The following CADM2 variants were observed in gnomAD, a reference collection of about 807,000 sequenced individuals.
The protein encoded by CADM2 is cell adhesion molecule 2.
In CADM2, 12 loss-of-function variants were observed where a neutral mutation model predicts 49.8. The ratio of observed to expected loss-of-function variants is 0.24; its 90% CI spans 0.15 to 0.39. The LOEUF (loss-of-function observed/expected upper bound fraction) is 0.39, where lower values mean the gene tolerates loss of function less well. Among genes scored for constraint, CADM2 ranks in the 10% least tolerant of loss-of-function variants. CADM2 has a pLI of 1.00. For missense variants in CADM2, 378 were observed against 492.3 expected, an observed-to-expected ratio of 0.77 and a Z score of 2.20; for synonymous variants, 214 against 175.4, an observed-to-expected ratio of 1.22 and a Z score of -1.74.
chr3:85,487,905 G>A (rs2039497488), intron 1 of CADM2, among the ~76,000 whole-genome samples: 1 of 152,008 alleles, frequency 6.6e-6, no homozygotes, highest in African/African-American at 2.4e-5. Flanking sequence ...CCACTTTAGT[G>A]AGTATAAACT....
intron 7 of CADM2, among the ~76,000 whole-genome samples, chr3:85,947,896 G>A (rs1265073473): frequency 6.6e-6 from 1 of 151,316 alleles, no homozygotes; most frequent in Non-Finnish European, 1.5e-5. Context: ...TGTACTTTTT[G>A]AACATTTCCA....
intron 1 of CADM2, among the ~76,000 whole-genome samples, chr3:84,974,338 C>T (rs1272956849): frequency 1.3e-5 from 2 of 151,664 alleles, no homozygotes; most frequent in African/African-American, 2.4e-5. Context: ...TAATATAATC[C>T]ACAGTTAGAA....
chr3:85,014,149 ATAT>A (rs1213997885), intron 1 of CADM2, among the ~76,000 whole-genome samples: 1 of 146,928 alleles, frequency 6.8e-6, no homozygotes, highest in Non-Finnish European at 1.5e-5. Context: ...ACGCAGTGTA[ATAT>A]TGTATATTAT....
intron 1 of CADM2, among the ~76,000 whole-genome samples, chr3:85,318,425 G>A (rs1365226697): frequency 6.6e-6 from 1 of 151,876 alleles, no homozygotes; most frequent in African/African-American, 2.4e-5. Context: ...GTTTGAAGAG[G>A]CACACTTCGT....
chr3:85,013,586 A>G (rs899014840), intron 1 of CADM2, among the ~76,000 whole-genome samples: 9 of 151,716 alleles, frequency 5.9e-5, no homozygotes, highest in African/African-American at 2.2e-4. Flanking sequence ...AATGTAGTCA[A>G]TAACAATTGT....
chr3:85,147,738 A>G (rs1371652256), intron 1 of CADM2, among the ~76,000 whole-genome samples: 1 of 152,190 alleles, frequency 6.6e-6, no homozygotes, highest in Non-Finnish European at 1.5e-5. Flanking sequence ...ATGTTAAAAG[A>G]TTAAGAATTT....
At chr3:85,394,170 A>AT (rs757084939) in intron 1 of CADM2, among the ~76,000 whole-genome samples, 5 of 152,284 alleles carry the variant, frequency 3.3e-5, no homozygotes, top group African/African-American at 1.2e-4. Flanking sequence ...TTTACAAATA[A>AT]TTTTTTTAAT....
rs148516859 is a variant in CADM2 at position 85,063,365 on chromosome 3, T to C, written c.61+103697T>C. 1.5e-3 allele frequency among the ~76,000 whole-genome samples: 221 copies of C among 152,102 alleles called. 7 individuals carry two copies. The East Asian group carries it at 0.035, about 24-fold the overall frequency. On this transcript the variant is annotated intron_variant, in intron 1 of 9. Transcript: ENST00000383699. ...TATGTTTCCTGAATTTAATCTCCGA[T>C]GATCCACGGCAAGAAAACTAAAGAA...
rs144369643 is a variant in CADM2, at chr3:85,647,949, T to G, written c.62-78573T>G. On this transcript the variant is annotated intron_variant, in intron 1 of 9. Coordinates refer to ENST00000383699, the MANE Select transcript of CADM2 (RefSeq NM_001167675.2). ...ATTAAGTCTCCTTTTATCATTTCCA[T>G]GTATCCCATCTATGTTTCCTCCATT... Among the ~76,000 whole-genome samples the G allele has an allele frequency of 2.4e-3, 371 of 152,072 alleles. 7 individuals are homozygous for G. The highest frequency in any genetic ancestry group is 0.02 in the Admixed American group (301 of 15,282).
At chr3:85,823,936 G>C (rs900601090) in intron 3 of CADM2, among the ~76,000 whole-genome samples, 7 of 152,162 alleles carry the variant, frequency 4.6e-5, no homozygotes, top group African/African-American at 1.4e-4. Flanking sequence ...GCCCATCCGC[G>C]AGATTAGAGA....
chr3:85,058,006 T>C (rs1468208958), intron 1 of CADM2, among the ~76,000 whole-genome samples: 2 of 152,222 alleles, frequency 1.3e-5, no homozygotes, highest in Non-Finnish European at 2.9e-5. Flanking sequence ...ACTCTTAAAA[T>C]ACAGTTGAAT....
At chr3:85,195,758 C>T (rs1401826334) in intron 1 of CADM2, among the ~76,000 whole-genome samples, 1 of 151,946 alleles carries the variant, frequency 6.6e-6, no homozygotes, top group Non-Finnish European at 1.5e-5. Context: ...ATTTTCTATT[C>T]AGATTTTTTC....
intron 2 of CADM2, among the ~76,000 whole-genome samples, chr3:85,734,652 T>G (rs1050336893): frequency 6.8e-6 from 1 of 147,922 alleles, no homozygotes; most frequent in Non-Finnish European, 1.5e-5. Flanking sequence ...TTTTTCTGCC[T>G]TTTTTCTTTT....
At chr3:85,578,510 C>G (rs1465290400) in intron 1 of CADM2, among the ~76,000 whole-genome samples, 1 of 152,216 alleles carries the variant, frequency 6.6e-6, no homozygotes, top group Non-Finnish European at 1.5e-5. Flanking sequence ...CTTTAGAGTT[C>G]TTTTGTTTAA....
intron 1 of CADM2, among the ~76,000 whole-genome samples, chr3:85,453,392 G>A (rs2037840796): frequency 6.6e-6 from 1 of 151,880 alleles, no homozygotes; most frequent in South Asian, 2.1e-4. Flanking sequence ...TTTGAAATTA[G>A]CATGATTATC....
In CADM2 at chr3:85,239,689, T is replaced by C. The variant is rs946703925; in HGVS notation, c.61+280021T>C. 6.6e-5 allele frequency among the ~76,000 whole-genome samples: 10 copies of C among 151,528 alleles called. No individual in the cohort carries two copies. In the East Asian group the frequency reaches 1.4e-3, roughly 20 times the overall value. Reference sequence around the variant, plus strand: ...TAGGTTTTTTATAATTACAAGAAAATTGTTTCCTTTTGTGAGACATTTTTT... The same window carrying C: ...TAGGTTTTTTATAATTACAAGAAAACTGTTTCCTTTTGTGAGACATTTTTT... On this transcript the variant is annotated intron_variant, in intron 1 of 9. Coordinates refer to ENST00000383699, the MANE Select transcript of CADM2 (RefSeq NM_001167675.2).
Position 85,897,118 on chromosome 3 carries a change from CTT to C in CADM2, c.529+10792_529+10793del, listed in dbSNP as rs1188346469. Among the ~76,000 whole-genome samples, 16 of 151,644 alleles carry C rather than the reference CTT, an allele frequency of 1.1e-4. No homozygotes were observed. The East Asian group carries it at 1.2e-3, about 11-fold the overall frequency. ...AAAGTAGTAAATTTAGAAAATGACT[CTT>C]AACATTCTTTCTACCTTATGAGTTC... is the stretch of plus-strand genomic sequence containing the variant. On this transcript the variant is annotated intron_variant, in intron 5 of 9. Transcript: ENST00000383699.
At position 85,802,119 on chromosome 3, in the gene CADM2, G is replaced by A. The variant is rs779261257; in HGVS notation, c.161G>A (p.Arg54Lys). The part of the protein sequence containing the change: ...VEGGTAILTC[R>K]VDQNDNTSLQ... ...GGTGGAACTGCAATTTTGACCTGCA[G>A]GGTTGATCAAAATGATAACACCTCC... Residue 54 changes from arginine to lysine, a missense_variant, in exon 3 of 10, where the codon AGG becomes AAG. Physicochemically the swap from Arg to Lys is conservative, Grantham distance 26. Transcript: ENST00000383699. 10 of 1,613,374 alleles carry A rather than the reference G, an allele frequency of 6.2e-6. No homozygotes were observed. The highest frequency in any genetic ancestry group is 1.7e-4 in the Middle Eastern group (1 of 6,056).
At chr3:85,913,705 G>A (rs1467156768) in intron 6 of CADM2, among the ~76,000 whole-genome samples, 6 of 151,990 alleles carry the variant, frequency 3.9e-5, no homozygotes, top group Admixed American at 3.9e-4. Context: ...ATCCATTCTA[G>A]GTAGGGATGA....
Sources: allele counts gnomAD v4.1 joint callset (sites outside exome capture counted in the v4.1 genomes callset), GRCh38; gene constraint gnomAD v4.1.1; transcripts MANE v1.5; gene names NCBI Gene and HGNC (gene_info 2026-07-23, HGNC 2026-07-21).